Variants in EYA2 observed in about 807,000 individuals in gnomAD.
EYA2 encodes EYA transcriptional coactivator and phosphatase 2.
In EYA2, 31 loss-of-function variants were observed where a neutral mutation model predicts 69.2. The ratio of observed to expected loss-of-function variants is 0.45; its 90% CI spans 0.34 to 0.60. The LOEUF is 0.60. EYA2 is among the 20% of genes least tolerant of loss of function. The pLI is 0.02. For missense variants in EYA2, 622 were observed against 701.2 expected (o/e 0.89, Z 1.28); for synonymous variants, 257 against 279.4 (o/e 0.92, Z 0.80).
chr20:46,960,345 G>A (rs1274823021), intron 1 of EYA2, among the ~76,000 whole-genome samples: 2 of 152,162 alleles, frequency 1.3e-5, no homozygotes, highest in Non-Finnish European at 2.9e-5. Context: ...TTTGATCTCA[G>A]GACTGTCTGA....
intron 1 of EYA2, among the ~76,000 whole-genome samples, chr20:46,916,674 G>A (rs1984920078): frequency 6.6e-6 from 1 of 152,144 alleles, no homozygotes; most frequent in Non-Finnish European, 1.5e-5. Flanking sequence ...TGAGATTGAG[G>A]TTAAGGTTGA....
rs1195348961 is a variant in EYA2 at position 47,144,413 on chromosome 20, A to G, written c.978+1265A>G. ...CTAAAATAAAACTGTATACAAAAAA[A>G]CAATTCTATTTCTCTTAGTAGGAAT... On this transcript the variant is annotated intron_variant, in intron 10 of 15. Coordinates refer to ENST00000327619, the MANE Select transcript of EYA2 (RefSeq NM_005244.5). Among the ~76,000 whole-genome samples, 3 of 152,200 alleles carry G rather than the reference A, an allele frequency of 2.0e-5. No individual in the cohort carries two copies. In the South Asian group the frequency reaches 6.2e-4, roughly 31 times the overall value.
chr20:47,079,361 A>G (rs1008659904), intron 7 of EYA2, among the ~76,000 whole-genome samples: 1 of 152,208 alleles, frequency 6.6e-6, no homozygotes, highest in African/African-American at 2.4e-5. Flanking sequence ...GGGTTATAGT[A>G]TTGGAGGCTC....
chr20:47,186,447 C>T (rs1343800355), intron 15 of EYA2, among the ~76,000 whole-genome samples: 6 of 146,912 alleles, frequency 4.1e-5, no homozygotes, highest in Admixed American at 7.0e-5. Context: ...GCATCCTCTG[C>T]CTCCTGTGTT....
rs1017380746 is a variant in EYA2 at position 47,183,355 on chromosome 20, C to T, written c.1500C>T (p.Ile500=). ...RFGRKAVYVV[I]GDGVEEEQGA... Reference sequence around the variant, plus strand: ...GCAGAAAAGCTGTCTACGTGGTGATCGGTGATGGTGTGGAAGAGGAGCAAG... The same window carrying T: ...GCAGAAAAGCTGTCTACGTGGTGATTGGTGATGGTGTGGAAGAGGAGCAAG... Residue 500 remains isoleucine, a synonymous_variant, in exon 15 of 16, where the codon ATC becomes ATT. Coordinates refer to ENST00000327619, the MANE Select transcript of EYA2 (RefSeq NM_005244.5). 3.7e-6 allele frequency: 6 copies of T among 1,613,874 alleles called. No homozygotes were observed. Among genetic ancestry groups the T allele is most frequent in the African/African-American group, 2.7e-5 (2 of 74,862 alleles).
intron 4 of EYA2, among the ~76,000 whole-genome samples, chr20:47,013,522 A>G (rs1342707416): frequency 6.6e-6 from 1 of 152,242 alleles, no homozygotes; most frequent in Non-Finnish European, 1.5e-5. Context: ...GGAAGTATGT[A>G]CATTTCATCT....
chr20:46,984,207 A>T (rs1310472728), intron 1 of EYA2, among the ~76,000 whole-genome samples: 1 of 152,194 alleles, frequency 6.6e-6, no homozygotes, highest in Admixed American at 6.5e-5. Context: ...TAGAGAAAGG[A>T]TTTTTACACC....
At chr20:47,063,168 ATTT>A (rs1229810751) in intron 5 of EYA2, among the ~76,000 whole-genome samples, 1 of 152,044 alleles carries the variant, frequency 6.6e-6, no homozygotes, top group Non-Finnish European at 1.5e-5. Context: ...ATTCCAACAC[ATTT>A]TCATCGCCCC....
At chr20:47,042,578 T>C (rs1016466049) in intron 5 of EYA2, among the ~76,000 whole-genome samples, 2 of 152,216 alleles carry the variant, frequency 1.3e-5, no homozygotes, top group African/African-American at 4.8e-5. Context: ...TAGGCTGTAT[T>C]TGAGCTTCCA....
chr20:46,962,450 A>G (rs549413124), intron 1 of EYA2, among the ~76,000 whole-genome samples: 5 of 152,314 alleles, frequency 3.3e-5, no homozygotes, highest in African/African-American at 1.2e-4. Context: ...ATAAATATAT[A>G]CAATTATTAT....
rs1160214199 is a variant in EYA2, at chr20:47,003,410, T to C, written c.156-1532T>C. ...CTAAGGGAAGTGGCCCTTGTAGGCATTGTTGCAGACAGGATGTGATTCGGT... is the reference window on the plus strand; with the variant it reads ...CTAAGGGAAGTGGCCCTTGTAGGCACTGTTGCAGACAGGATGTGATTCGGT... On this transcript the variant is annotated intron_variant, in intron 3 of 15. Coordinates refer to ENST00000327619, the MANE Select transcript of EYA2 (RefSeq NM_005244.5). 2.6e-5 allele frequency among the ~76,000 whole-genome samples: 4 copies of C among 152,334 alleles called. No individual in the cohort carries two copies. The East Asian group carries it at 7.7e-4, about 29-fold the overall frequency.
chr20:46,897,328 A>G (rs1983862205), intron 1 of EYA2, among the ~76,000 whole-genome samples: 1 of 152,230 alleles, frequency 6.6e-6, no homozygotes, highest in African/African-American at 2.4e-5. Flanking sequence ...CAAGCTATGG[A>G]GACCCCAGCC....
At chr20:47,022,655 CTTTT>C (rs3092574) in intron 5 of EYA2, among the ~76,000 whole-genome samples, 1 of 105,592 alleles carries the variant, frequency 9.5e-6, no homozygotes, top group Non-Finnish European at 1.8e-5. Context: ...TAAACTTCAC[CTTTT>C]TTTTTTTTTT....
chr20:47,091,964 C>T (rs1195829110), intron 8 of EYA2, among the ~76,000 whole-genome samples: 1 of 152,156 alleles, frequency 6.6e-6, no homozygotes, highest in East Asian at 1.9e-4. Context: ...GGGTCTTACC[C>T]CTTAATTGAC....
intron 1 of EYA2, among the ~76,000 whole-genome samples, chr20:46,964,873 A>T (rs887213367): frequency 6.6e-6 from 1 of 152,050 alleles, no homozygotes; most frequent in African/African-American, 2.4e-5. Flanking sequence ...CTTGGGTTTG[A>T]ATTTAGGGGA....
intron 1 of EYA2, among the ~76,000 whole-genome samples, chr20:46,902,331 A>G (rs1600527771): frequency 6.6e-6 from 1 of 152,226 alleles, no homozygotes; most frequent in African/African-American, 2.4e-5. Flanking sequence ...TTTATTGAAC[A>G]CTTATTATTT....
At chr20:46,924,624 C>T (rs957346057) in intron 1 of EYA2, among the ~76,000 whole-genome samples, 5 of 145,332 alleles carry the variant, frequency 3.4e-5, no homozygotes, top group East Asian at 2.0e-4. Flanking sequence ...GAGCCGAAAT[C>T]GCGCCACTGC....
chr20:47,113,461 C>T (rs945894533), intron 9 of EYA2, among the ~76,000 whole-genome samples: 19 of 152,176 alleles, frequency 1.2e-4, no homozygotes, highest in African/African-American at 3.9e-4. Context: ...CACCAAGCCA[C>T]CTGCAGTGGG....
chr20:46,997,825 T>G (rs1173338046), intron 2 of EYA2: 1 of 152,316 alleles, frequency 6.6e-6, no homozygotes, highest in Non-Finnish European at 1.5e-5. Context: ...AGACACCAGA[T>G]CCCAAAGAGG....
Sources: allele counts gnomAD v4.1 joint callset (sites outside exome capture counted in the v4.1 genomes callset), GRCh38; gene constraint gnomAD v4.1.1; transcripts MANE v1.5; gene names NCBI Gene and HGNC (gene_info 2026-07-23, HGNC 2026-07-21).